COL4A6: variants seen among roughly 807,000 people sequenced by gnomAD.
The protein encoded by COL4A6 is collagen alpha-6(IV) chain.
In COL4A6, 59 loss-of-function variants were observed where a neutral mutation model predicts 126.7. That is an observed-to-expected ratio of 0.47 (90% CI 0.38 to 0.58). The LOEUF is 0.58. Among genes scored for constraint, COL4A6 ranks in the 20% least tolerant of loss-of-function variants. The probability of loss-of-function intolerance (pLI) is 0.00; values close to 1 mark genes in which losing one functional copy is unlikely to be tolerated. For missense variants in COL4A6, 1,285 were observed against 1,337.3 expected (o/e 0.96, Z 0.61); for synonymous variants, 547 against 496.6 (o/e 1.10, Z -1.35).
intron 6 of COL4A6, among the ~76,000 whole-genome samples, chrX:108,212,976 A>G (rs1238040787): frequency 9.0e-6 from 1 of 111,624 alleles, no homozygotes; most frequent in Non-Finnish European, 1.9e-5. Context: ...TGCCATGGCA[A>G]TCTTTGGAGA....
intron 3 of COL4A6, among the ~76,000 whole-genome samples, chrX:108,256,226 G>C (rs1482703151): frequency 8.9e-6 from 1 of 111,915 alleles, no homozygotes; most frequent in Non-Finnish European, 1.9e-5. Context: ...AGGTAAACCT[G>C]AGAACCAACC....
At chrX:108,309,085 C>T (rs1037086637) in intron 3 of COL4A6, among the ~76,000 whole-genome samples, 6 of 111,629 alleles carry the variant, frequency 5.4e-5, no homozygotes, top group African/African-American at 1.3e-4. Flanking sequence ...TTTAGACATA[C>T]GTGTACATAT....
chrX:108,190,803 C>T (rs1639534685), intron 19 of COL4A6, among the ~76,000 whole-genome samples: 1 of 112,203 alleles, frequency 8.9e-6, no homozygotes, highest in African/African-American at 3.2e-5. Context: ...ATGTCTACCC[C>T]AGAAACCTCC....
Position 108,162,967 on chromosome X carries a change from A to G in COL4A6, c.4141T>C (p.Leu1381=). 8.3e-7 allele frequency: 1 copy of G among 1,201,078 alleles called. No homozygotes were observed. The highest frequency in any genetic ancestry group is 1.1e-6 in the Non-Finnish European group (1 of 890,975). ...AEAVQVPPGP[L]GLPGIDGIPG... ...ATGCCATCGATCCCTGGTAGACCCAAGGGTCCAGGAGGAACCTGGACAGCT... is the reference window on the plus strand; with the variant it reads ...ATGCCATCGATCCCTGGTAGACCCAGGGGTCCAGGAGGAACCTGGACAGCT... The change falls in exon 41 of 45, where the codon TTG becomes CTG. Residue 1381 remains leucine (L), a synonymous_variant. Transcript: ENST00000334504.
At chrX:108,211,218 G>A (rs1021571971) in intron 7 of COL4A6, among the ~76,000 whole-genome samples, 5 of 111,856 alleles carry the variant, frequency 4.5e-5, no homozygotes, top group Non-Finnish European at 9.4e-5. Flanking sequence ...ACATCCAGGG[G>A]CCCAGCTAGG....
chrX:108,337,523 G>A (rs1221182109), intron 2 of COL4A6, among the ~76,000 whole-genome samples: 2 of 112,941 alleles, frequency 1.8e-5, no homozygotes, highest in Non-Finnish European at 3.8e-5. Flanking sequence ...GTGAAGCGAG[G>A]AGCAGACAGA....
intron 3 of COL4A6, among the ~76,000 whole-genome samples, chrX:108,277,319 G>A (rs1275534078): frequency 2.7e-5 from 3 of 111,817 alleles, no homozygotes; most frequent in African/African-American, 9.8e-5. Flanking sequence ...CTTAAAAAAC[G>A]GCGCACCAGG....
chrX:108,379,475 C>T (rs1380031566), intron 2 of COL4A6, among the ~76,000 whole-genome samples: 1 of 79,085 alleles, frequency 1.3e-5, no homozygotes, highest in African/African-American at 5.1e-5. Flanking sequence ...AAGGGGCTTG[C>T]TATGTTGCCA....
At position 108,179,214 on chromosome X, in the gene COL4A6, C is replaced by T. The variant is rs1214029670; in HGVS notation, c.2353+3G>A. 1.7e-6 allele frequency: 2 copies of T among 1,200,283 alleles called. No individual in the cohort carries two copies. The highest frequency in any genetic ancestry group is 2.3e-6 in the Non-Finnish European group (2 of 888,597). ...GTTAAATAATTGGGGCAAAAAGATT[C>T]ACCCTTGAGTCCTGGAAGGCCAGAG... On this transcript the variant is annotated splice_donor_region_variant and intron_variant, in intron 26 of 44. Coordinates refer to ENST00000334504, the MANE Select transcript of COL4A6 (RefSeq NM_033641.4).
chrX:108,369,949 GCA>G (rs1416079799), intron 2 of COL4A6, among the ~76,000 whole-genome samples: 2 of 112,218 alleles, frequency 1.8e-5, no homozygotes, highest in East Asian at 5.6e-4. Context: ...GGATTTGGCT[GCA>G]GTTTGCTGAC....
chrX:108,199,126 C>T (rs2035311825), intron 13 of COL4A6, among the ~76,000 whole-genome samples: 1 of 110,769 alleles, frequency 9.0e-6, no homozygotes, highest in Admixed American at 9.6e-5. Context: ...GCAAATCTGT[C>T]AGGTTGGGCA....
At chrX:108,273,275 A>T (rs1398843710) in intron 3 of COL4A6, among the ~76,000 whole-genome samples, 2 of 110,480 alleles carry the variant, frequency 1.8e-5, no homozygotes, top group Non-Finnish European at 3.8e-5. Flanking sequence ...TCAAAACCAC[A>T]ATGAGATACT....
intron 2 of COL4A6, among the ~76,000 whole-genome samples, chrX:108,403,737 C>T (rs181561296): frequency 4.9e-4 from 54 of 111,180 alleles, no homozygotes; most frequent in African/African-American, 1.6e-3. Flanking sequence ...CTAAATAAAG[C>T]GTTTAGGGAT....
intron 2 of COL4A6, among the ~76,000 whole-genome samples, chrX:108,425,688 C>T (rs1162371941): frequency 9.2e-6 from 1 of 108,160 alleles, no homozygotes; most frequent in Non-Finnish European, 1.9e-5. Context: ...GAGCCGAGAT[C>T]GCACCACTGC....
At chrX:108,238,690 C>T (rs1287680885) in intron 3 of COL4A6, among the ~76,000 whole-genome samples, 1 of 109,197 alleles carries the variant, frequency 9.2e-6, no homozygotes, top group Admixed American at 1.0e-4. Flanking sequence ...TATTTTCAAA[C>T]CATGGAGAGG....
At chrX:108,327,071 G>A (rs1455953511) in intron 2 of COL4A6, among the ~76,000 whole-genome samples, 3 of 111,173 alleles carry the variant, frequency 2.7e-5, no homozygotes, top group African/African-American at 9.8e-5. Context: ...CCAGGACAAA[G>A]ACCCGTACCT....
intron 3 of COL4A6, among the ~76,000 whole-genome samples, chrX:108,254,446 C>T (rs1420174287): frequency 1.8e-5 from 2 of 111,643 alleles, no homozygotes; most frequent in African/African-American, 6.5e-5. Flanking sequence ...AGGGTTTCAA[C>T]AAAAGCACTT....
intron 3 of COL4A6, among the ~76,000 whole-genome samples, chrX:108,289,242 AGTGTGTGTGTGTGTGTGTGT>A (rs34639525): frequency 2.2e-5 from 2 of 91,328 alleles, no homozygotes; most frequent in Non-Finnish European, 4.3e-5. Context: ...CAATGAGTAT[AGTGTGTGTGTGTGTGTGTGT>A]GTGTGTGTGT....
chrX:108,349,578 G>A (rs1280790072), intron 2 of COL4A6, among the ~76,000 whole-genome samples: 2 of 111,358 alleles, frequency 1.8e-5, no homozygotes, highest in African/African-American at 3.3e-5. Context: ...TGGGGCTGTC[G>A]TTAGGATTAG....
Sources: gnomAD v4.1 joint callset for allele counts (sites outside exome capture counted in the v4.1 genomes callset) on GRCh38, gnomAD v4.1.1 for gene constraint, MANE v1.5 for transcripts, NCBI Gene and HGNC (gene_info 2026-07-23, HGNC 2026-07-21) for gene names.